Variants in TRIM16 observed in about 807,000 individuals in gnomAD.
TRIM16 encodes tripartite motif-containing protein 16.
A neutral mutation model predicts 50.4 loss-of-function variants in TRIM16; 33 were observed. The observed-to-expected ratio is 0.65, with a 90% CI of 0.50 to 0.88. TRIM16 has a LOEUF of 0.88. Among genes scored for constraint, TRIM16 ranks in the 40% least tolerant of loss-of-function variants. The pLI is 0.00. For missense variants in TRIM16, 581 were observed against 686.8 expected, an observed-to-expected ratio of 0.85 and a Z score of 1.72; for synonymous variants, 229 against 270.7, an observed-to-expected ratio of 0.85 and a Z score of 1.51.
intron 4 of TRIM16, among the ~76,000 whole-genome samples, chr17:15,679,701 G>T (rs1458689111): frequency 1.3e-5 from 2 of 152,182 alleles, no homozygotes; most frequent in Non-Finnish European, 1.5e-5. Context: ...ACTTTGGGAG[G>T]CCGAGGCGGG....
chr17:15,635,082 CT>C (rs1986665450), intron 9 of TRIM16, among the ~76,000 whole-genome samples: 2 of 147,102 alleles, frequency 1.4e-5, no homozygotes, highest in Admixed American at 6.7e-5. Context: ...TTTTTTTCTT[CT>C]TTTTTTGTAC....
intron 6 of TRIM16, among the ~76,000 whole-genome samples, chr17:15,665,245 G>A (rs997806041): frequency 6.6e-6 from 1 of 152,192 alleles, no homozygotes; most frequent in African/African-American, 2.4e-5. Flanking sequence ...GGGCGCAGTG[G>A]CTCATGCCTG....
chr17:15,677,975 TG>T (rs1231498843), intron 4 of TRIM16, among the ~76,000 whole-genome samples: 3 of 152,194 alleles, frequency 2.0e-5, no homozygotes, highest in Non-Finnish European at 4.4e-5. Flanking sequence ...CCCAGCACTT[TG>T]GGAGGCCGAG....
At chr17:15,641,640 C>G (rs1597616885) in intron 8 of TRIM16, among the ~76,000 whole-genome samples, 1 of 148,784 alleles carries the variant, frequency 6.7e-6, no homozygotes, top group Admixed American at 6.6e-5. Context: ...CTCTTTCTTC[C>G]TTTAATAAGA....
chr17:15,638,010 G>A (rs375685540), intron 8 of TRIM16, among the ~76,000 whole-genome samples: 6,860 of 138,010 alleles, frequency 0.05, 765 homozygotes, highest in African/African-American at 0.18. Context: ...GATTAAGGGC[G>A]GTGCAAGATG....
At chr17:15,655,760 G>C (rs546537544) in intron 6 of TRIM16, among the ~76,000 whole-genome samples, 10 of 152,246 alleles carry the variant, frequency 6.6e-5, no homozygotes, top group African/African-American at 2.4e-4. Context: ...ATTTTTAGTA[G>C]AGACGGGGTT....
intron 8 of TRIM16, among the ~76,000 whole-genome samples, chr17:15,637,661 C>T (rs1597611202): frequency 6.1e-5 from 8 of 131,590 alleles, no homozygotes; most frequent in South Asian, 5.1e-4. Context: ...CCGCCCCGTC[C>T]GGGAGGTGAG....
intron 7 of TRIM16, among the ~76,000 whole-genome samples, chr17:15,650,013 G>A (rs557726611): frequency 2.0e-5 from 3 of 152,304 alleles, no homozygotes; most frequent in East Asian, 1.9e-4. Flanking sequence ...GTGGCTTCCC[G>A]GGCCGGAAAC....
At chr17:15,678,386 C>T (rs1989038032) in intron 4 of TRIM16, among the ~76,000 whole-genome samples, 1 of 152,206 alleles carries the variant, frequency 6.6e-6, no homozygotes, top group South Asian at 2.1e-4. Flanking sequence ...TCCTCCTCTC[C>T]TTTCTAGGTA....
chr17:15,637,237 C>CCCGGCCAGCCGCCCCGT (rs1986828762), intron 8 of TRIM16, among the ~76,000 whole-genome samples: 1 of 115,360 alleles, frequency 8.7e-6, no homozygotes, highest in African/African-American at 2.9e-5. Flanking sequence ...CAGCCCCCCG[C>CCCGGCCAGCCGCCCCGT]CCGGCCAGCC....
intron 4 of TRIM16, among the ~76,000 whole-genome samples, chr17:15,679,467 A>G (rs1218558370): frequency 6.6e-6 from 1 of 152,140 alleles, no homozygotes; most frequent in Non-Finnish European, 1.5e-5. Flanking sequence ...TAAGTCTAAC[A>G]AGAGCTTTGA....
chr17:15,637,236 G>A (rs1237455986), intron 8 of TRIM16, among the ~76,000 whole-genome samples: 43 of 84,722 alleles, frequency 5.1e-4, no homozygotes, highest in Middle Eastern at 7.1e-3. Context: ...TCAGCCCCCC[G>A]CCCGGCCAGC....
At chr17:15,668,751 G>T (rs1198172813) in intron 6 of TRIM16, among the ~76,000 whole-genome samples, 1 of 152,186 alleles carries the variant, frequency 6.6e-6, no homozygotes, top group Non-Finnish European at 1.5e-5. Flanking sequence ...CACAGCATTA[G>T]ATGGAACACA....
At chr17:15,631,299 G>A (rs959436663) in intron 11 of TRIM16, among the ~76,000 whole-genome samples, 1 of 152,210 alleles carries the variant, frequency 6.6e-6, no homozygotes, top group Non-Finnish European at 1.5e-5. Flanking sequence ...CTGTAGATTA[G>A]TTGATAGCAT....
chr17:15,677,818 A>C, intron 4 of TRIM16, 97 bp from the exon 5 acceptor site: 1 of 909,144 alleles, frequency 1.1e-6, no homozygotes, highest in African/African-American at 1.8e-5. Context: ...ACAAGATTTT[A>C]TTGACTCGTA....
chr17:15,647,385 T>C (rs1239180505), intron 7 of TRIM16, among the ~76,000 whole-genome samples: 9 of 152,254 alleles, frequency 5.9e-5, no homozygotes, highest in Admixed American at 5.2e-4. Context: ...GTGGATACTT[T>C]TGGCTCTAGA....
chr17:15,659,202 G>A (rs766338047), intron 6 of TRIM16, among the ~76,000 whole-genome samples: 38 of 152,202 alleles, frequency 2.5e-4, no homozygotes, highest in Non-Finnish European at 4.3e-4. Flanking sequence ...TGCCCTTAGC[G>A]ACGGACATCT....
At chr17:15,639,415 T>C (rs1987014735) in intron 8 of TRIM16, among the ~76,000 whole-genome samples, 1 of 148,406 alleles carries the variant, frequency 6.7e-6, no homozygotes, top group South Asian at 2.2e-4. Flanking sequence ...GTTAGGTAGC[T>C]GGACAGAGCT....
chr17:15,683,884 A>C (rs1989276647), intron 1 of TRIM16: 1 of 152,212 alleles, frequency 6.6e-6, no homozygotes, highest in Non-Finnish European at 1.5e-5. Flanking sequence ...GTTGGTGCCT[A>C]ACCTGGCCCT....
Sources: gnomAD v4.1 joint callset for allele counts (sites outside exome capture counted in the v4.1 genomes callset) on GRCh38, gnomAD v4.1.1 for gene constraint, MANE v1.5 for transcripts, NCBI Gene and HGNC (gene_info 2026-07-23, HGNC 2026-07-21) for gene names.